GPC5: variants seen among roughly 807,000 people sequenced by gnomAD.
GPC5 encodes glypican-5.
In GPC5, 47 loss-of-function variants were observed where a neutral mutation model predicts 53.9. The ratio of observed to expected loss-of-function variants is 0.87; its 90% CI spans 0.69 to 1.11. GPC5 has a LOEUF of 1.11. GPC5 is among the 50% of genes most tolerant of loss of function. The pLI, the probability that GPC5 is intolerant of heterozygous loss-of-function variation, is 0.00. For missense variants in GPC5, 748 were observed against 713.1 expected (o/e 1.05, Z -0.56); for synonymous variants, 286 against 263.3 (o/e 1.09, Z -0.84).
Position 92,422,517 on chromosome 13 carries a change from CACACACACACACACAA to C in GPC5, c.1561+277529_1561+277544del, listed in dbSNP as rs777910591. 2.1e-4 allele frequency among the ~76,000 whole-genome samples: 24 copies of C among 113,994 alleles called. 1 individual carries two copies. The East Asian group carries it at 2.7e-3, about 13-fold the overall frequency. The allele number at this position is 113,994 out of a possible 152,430, so 74.8% of individuals were successfully genotyped here. A position where few individuals can be genotyped will look rare whatever the true frequency, so the allele number is the denominator to read the frequency against. On this transcript the variant is annotated intron_variant, in intron 7 of 7. Coordinates refer to ENST00000377067, the MANE Select transcript of GPC5 (RefSeq NM_004466.6). The stretch of plus-strand genomic sequence containing the variant: ...ACACACACACACACACACACACACA[CACACACACACACACAA>C]CTTCTTGGAAAGAAAAGTATTCCCC...
At chr13:91,615,602 A>G (rs1017369007) in intron 2 of GPC5, among the ~76,000 whole-genome samples, 1 of 152,170 alleles carries the variant, frequency 6.6e-6, no homozygotes, top group African/African-American at 2.4e-5. Flanking sequence ...GACAGTTACC[A>G]TACGTTTGGA....
At chr13:92,063,592 A>G (rs1362323925) in intron 6 of GPC5, among the ~76,000 whole-genome samples, 1 of 152,142 alleles carries the variant, frequency 6.6e-6, no homozygotes, top group Non-Finnish European at 1.5e-5. Flanking sequence ...GAGGGTTTTG[A>G]AAATTAACAC....
At chr13:91,766,911 A>C (rs1376532290) in intron 5 of GPC5, among the ~76,000 whole-genome samples, 1 of 152,208 alleles carries the variant, frequency 6.6e-6, no homozygotes, top group African/African-American at 2.4e-5. Context: ...TTGAAAATTA[A>C]ATGAGTTATT....
At chr13:92,406,321 C>T (rs1875794321) in intron 7 of GPC5, among the ~76,000 whole-genome samples, 1 of 152,150 alleles carries the variant, frequency 6.6e-6, no homozygotes, top group South Asian at 2.1e-4. Flanking sequence ...AATTTTGGAT[C>T]CCATTACCTA....
intron 7 of GPC5, among the ~76,000 whole-genome samples, chr13:92,546,405 C>A (rs1456270198): frequency 1.3e-5 from 2 of 152,090 alleles, no homozygotes; most frequent in African/African-American, 4.8e-5. Flanking sequence ...CATGAGTGAA[C>A]TCCCATTCAC....
At chr13:92,320,905 C>T (rs1461627998) in intron 7 of GPC5, among the ~76,000 whole-genome samples, 3 of 152,056 alleles carry the variant, frequency 2.0e-5, no homozygotes, top group Non-Finnish European at 4.4e-5. Context: ...ATATATAAAC[C>T]AACATTCTTC....
chr13:91,406,386 T>C lies in GPC5; in HGVS notation c.163+7177T>C, dbSNP rs369123310. ...TGATGTTATATAAATGGGTTAAAGA[T>C]GGACCCCCATGTTTTTCTTACTTCT... On this transcript the variant is annotated intron_variant, in intron 1 of 7. Transcript: ENST00000377067. Among the ~76,000 whole-genome samples the C allele has an allele frequency of 6.6e-5, 10 of 152,326 alleles. No individual in the cohort carries two copies. The East Asian group carries it at 1.7e-3, about 26-fold the overall frequency.
chr13:91,500,525 C>T (rs1884563203), intron 2 of GPC5, among the ~76,000 whole-genome samples: 1 of 152,188 alleles, frequency 6.6e-6, no homozygotes, highest in Non-Finnish European at 1.5e-5. Context: ...AATCATTTGG[C>T]CATGCATACA....
intron 7 of GPC5, among the ~76,000 whole-genome samples, chr13:92,736,509 C>T (rs1888939346): frequency 6.6e-6 from 1 of 151,838 alleles, no homozygotes; most frequent in African/African-American, 2.4e-5. Context: ...AATCTCATGC[C>T]TCCTCCTGCC....
chr13:91,929,974 A>G (rs1185257318), intron 6 of GPC5, among the ~76,000 whole-genome samples: 1 of 152,092 alleles, frequency 6.6e-6, no homozygotes, highest in African/African-American at 2.4e-5. Flanking sequence ...TTATGTAAGA[A>G]CAATTCCCAA....
intron 2 of GPC5, among the ~76,000 whole-genome samples, chr13:91,659,393 T>A (rs1566588359): frequency 6.6e-6 from 1 of 152,106 alleles, no homozygotes; most frequent in Non-Finnish European, 1.5e-5. Flanking sequence ...GCCCTGTATG[T>A]TAGTTCTTGG....
chr13:91,793,431 C>T (rs1425899957), intron 5 of GPC5, among the ~76,000 whole-genome samples: 1 of 152,138 alleles, frequency 6.6e-6, no homozygotes, highest in Non-Finnish European at 1.5e-5. Flanking sequence ...AACATTCAAA[C>T]AGCTACATGT....
chr13:91,942,673 GA>G (rs1440423409), intron 6 of GPC5, among the ~76,000 whole-genome samples: 4 of 128,406 alleles, frequency 3.1e-5, no homozygotes, highest in Admixed American at 1.5e-4. Context: ...TATAGATATA[GA>G]TATACTACTT....
intron 6 of GPC5, among the ~76,000 whole-genome samples, chr13:92,137,509 A>C (rs1455841517): frequency 6.6e-6 from 1 of 152,228 alleles, no homozygotes; most frequent in Non-Finnish European, 1.5e-5. Context: ...GATCTTAATG[A>C]TAAAGTTAAC....
In GPC5 at chr13:92,846,039, C is replaced by T. The variant is rs566424795; in HGVS notation, c.1562-20243C>T. On this transcript the variant is annotated intron_variant, in intron 7 of 7. Coordinates refer to ENST00000377067, the MANE Select transcript of GPC5 (RefSeq NM_004466.6). Reference sequence around the variant, plus strand: ...TCTCACACTGCTATAATGAACTGCCCGAGACTGGGTAATTTACAAAGGAAA... The same window carrying T: ...TCTCACACTGCTATAATGAACTGCCTGAGACTGGGTAATTTACAAAGGAAA... Among the ~76,000 whole-genome samples, 14 of 152,080 alleles carry T rather than the reference C, an allele frequency of 9.2e-5. 1 individual carries two copies. Among genetic ancestry groups the T allele is most frequent in the African/African-American group, 2.9e-4 (12 of 41,468 alleles).
At chr13:92,305,241 T>C (rs541007549) in intron 7 of GPC5, among the ~76,000 whole-genome samples, 1 of 152,238 alleles carries the variant, frequency 6.6e-6, no homozygotes, top group East Asian at 1.9e-4. Context: ...AGTCTGAAAA[T>C]GTGTTCAAAA....
intron 6 of GPC5, among the ~76,000 whole-genome samples, chr13:92,134,859 CGTGT>C (rs2041770998): frequency 1.3e-5 from 2 of 151,876 alleles, no homozygotes; most frequent in South Asian, 4.2e-4. Flanking sequence ...TTGTGCCATT[CGTGT>C]GTGTGTGGGC....
At chr13:92,849,599 T>C (rs1393674148) in intron 7 of GPC5, among the ~76,000 whole-genome samples, 1 of 152,214 alleles carries the variant, frequency 6.6e-6, no homozygotes, top group African/African-American at 2.4e-5. Context: ...CATATGAGTG[T>C]TCACATTATA....
intron 7 of GPC5, among the ~76,000 whole-genome samples, chr13:92,173,310 G>A (rs2042083906): frequency 6.6e-6 from 1 of 152,070 alleles, no homozygotes; most frequent in African/African-American, 2.4e-5. Context: ...CCGCTTAGGT[G>A]TGTCGATTCT....
Sources: allele counts gnomAD v4.1 joint callset (sites outside exome capture counted in the v4.1 genomes callset), GRCh38; gene constraint gnomAD v4.1.1; transcripts MANE v1.5; gene names NCBI Gene and HGNC (gene_info 2026-07-23, HGNC 2026-07-21).